The following PRKCH variants were observed in gnomAD, a reference collection of about 807,000 sequenced individuals.
The protein encoded by PRKCH is protein kinase C eta type.
Under a neutral mutation model 82.5 loss-of-function variants are expected in PRKCH, and 28 were observed. The ratio of observed to expected loss-of-function variants is 0.34; its 90% CI spans 0.25 to 0.47. The LOEUF is 0.47. Ranked by LOEUF, PRKCH falls within the 20% of genes least tolerant of loss-of-function variation. The pLI is 1.00. For synonymous variants in PRKCH, 322 were observed against 327.4 expected (o/e 0.98, Z 0.18); for missense variants, 705 against 881.8 (o/e 0.80, Z 2.54).
At chr14:61,206,731 C>T (rs1197890631) in intron 1 of PRKCH, among the ~76,000 whole-genome samples, 1 of 151,902 alleles carries the variant, frequency 6.6e-6, no homozygotes, top group Non-Finnish European at 1.5e-5. Context: ...GTGAAGGTGA[C>T]CTGGAGACAG....
At chr14:61,529,015 G>A (rs1446858473) in intron 10 of PRKCH, 60 bp from the exon 11 acceptor site, 2 of 777,694 alleles carry the variant, frequency 2.6e-6, no homozygotes, top group Non-Finnish European at 3.7e-6. Flanking sequence ...TGCCCATTCT[G>A]AGAGGTGGAT....
chr14:61,309,490 C>T lies in PRKCH; in HGVS notation c.-19+121822C>T, dbSNP rs375618821. 1.2e-4 allele frequency among the ~76,000 whole-genome samples: 19 copies of T among 152,294 alleles called. No individual in the cohort carries two copies. In the South Asian group the frequency reaches 1.5e-3, roughly 12 times the overall value. On this transcript the variant is annotated intron_variant, in intron 1 of 3. Coordinates refer to the PRKCH transcript ENST00000555185. ...ATTAATACAATGCTGCAGGGCTTTG[C>T]AATGCGCTTTAAATTCAGTTTCTCA... is the stretch of plus-strand genomic sequence containing the variant.
chr14:61,283,058 A>C (rs1385750362), intron 1 of PRKCH, among the ~76,000 whole-genome samples: 1 of 150,628 alleles, frequency 6.6e-6, no homozygotes, highest in Admixed American at 6.6e-5. Context: ...TTTGAGAGAG[A>C]GGTGTCTCCC....
intron 9 of PRKCH, among the ~76,000 whole-genome samples, chr14:61,471,807 C>T (rs1368539638): frequency 6.6e-6 from 1 of 152,104 alleles, no homozygotes; most frequent in Non-Finnish European, 1.5e-5. Flanking sequence ...AACAACCAAA[C>T]ATATCGCCAG....
chr14:61,324,698 A>C (rs1483379204), intron 1 of PRKCH, among the ~76,000 whole-genome samples: 3 of 152,200 alleles, frequency 2.0e-5, no homozygotes, highest in African/African-American at 7.2e-5. Flanking sequence ...GCCTCAAGCC[A>C]TCCTCCCACT....
chr14:61,430,319 G>A (rs1316460157), intron 2 of PRKCH, among the ~76,000 whole-genome samples: 1 of 152,238 alleles, frequency 6.6e-6, no homozygotes, highest in Non-Finnish European at 1.5e-5. Flanking sequence ...AAATGTTGGT[G>A]AGACTGTGGA....
chr14:61,237,023 C>G (rs1026065222), intron 1 of PRKCH, among the ~76,000 whole-genome samples: 1 of 152,096 alleles, frequency 6.6e-6, no homozygotes. Context: ...CCACTTTACC[C>G]TATGGACTCG....
chr14:61,257,467 A>G (rs2045007715), intron 1 of PRKCH, among the ~76,000 whole-genome samples: 1 of 152,166 alleles, frequency 6.6e-6, no homozygotes, highest in Non-Finnish European at 1.5e-5. Context: ...GAGCCCACAG[A>G]GCTCTTCTTT....
At chr14:61,450,697 T>A in intron 5 of PRKCH, 145 bp from the exon 6 acceptor site, 3 of 884,564 alleles carry the variant, frequency 3.4e-6, no homozygotes, top group South Asian at 2.3e-5. Flanking sequence ...ACCTGAGTAA[T>A]TAATCAGGGC....
At chr14:61,357,305 T>G (rs1185551091) in intron 1 of PRKCH, among the ~76,000 whole-genome samples, 1 of 152,228 alleles carries the variant, frequency 6.6e-6, no homozygotes, top group Non-Finnish European at 1.5e-5. Context: ...TTTTAACATA[T>G]GACTTTGTAT....
intron 9 of PRKCH, among the ~76,000 whole-genome samples, chr14:61,480,490 A>C (rs998411182): frequency 5.3e-5 from 8 of 152,226 alleles, no homozygotes; most frequent in Non-Finnish European, 1.2e-4. Flanking sequence ...TGTAAAGGGC[A>C]TTCACTAAAT....
chr14:61,337,917 C>T (rs1457913778), intron 1 of PRKCH, among the ~76,000 whole-genome samples: 2 of 152,164 alleles, frequency 1.3e-5, no homozygotes, highest in Non-Finnish European at 2.9e-5. Context: ...TTTAGCGTAG[C>T]CTTGGTTTTG....
At chr14:61,488,908 C>T (rs1886340053) in intron 10 of PRKCH, among the ~76,000 whole-genome samples, 1 of 152,156 alleles carries the variant, frequency 6.6e-6, no homozygotes, top group Non-Finnish European at 1.5e-5. Flanking sequence ...TACTCTTGGA[C>T]TTGAATCCCA....
At chr14:61,368,597 G>C (rs2046328215) in intron 1 of PRKCH, among the ~76,000 whole-genome samples, 1 of 152,120 alleles carries the variant, frequency 6.6e-6, no homozygotes, top group Non-Finnish European at 1.5e-5. Context: ...TCCTCCTGTA[G>C]ATATTTCCCA....
chr14:61,391,223 A>G lies in PRKCH; in HGVS notation c.364-2A>G. The G allele has an allele frequency of 6.2e-7, 1 of 1,607,142 alleles. No homozygotes were observed. The highest frequency in any genetic ancestry group is 8.5e-7 in the Non-Finnish European group (1 of 1,176,468). ...AATATACATTTTTTTTTCTCTTTGT[A>G]GGTGGATCTCGAGCCAGAGGGGAAA... is the stretch of plus-strand genomic sequence containing the variant. On this transcript the variant is annotated splice_acceptor_variant, in intron 1 of 13. Transcript: ENST00000332981. LOFTEE classifies it high-confidence loss of function.
intron 2 of PRKCH, among the ~76,000 whole-genome samples, chr14:61,405,774 G>A (rs1207903799): frequency 6.6e-6 from 1 of 151,620 alleles, no homozygotes; most frequent in Non-Finnish European, 1.5e-5. Context: ...GGAGAGGTAA[G>A]TAGGTTGGAG....
intron 10 of PRKCH, among the ~76,000 whole-genome samples, chr14:61,521,298 G>T (rs1034463797): frequency 6.6e-6 from 1 of 151,852 alleles, no homozygotes; most frequent in Non-Finnish European, 1.5e-5. Flanking sequence ...TACATTTTTA[G>T]TCCTTCATAA....
chr14:61,196,933 T>C (rs902473274), intron 1 of PRKCH, among the ~76,000 whole-genome samples: 5 of 152,290 alleles, frequency 3.3e-5, no homozygotes, highest in African/African-American at 1.2e-4. Flanking sequence ...TGCATCCCTA[T>C]GACTTCTCTC....
rs1039157012 is a variant in PRKCH at position 61,324,668 on chromosome 14, A to T, written c.363+2204A>T. 2.1e-4 allele frequency among the ~76,000 whole-genome samples: 32 copies of T among 152,234 alleles called. 1 individual carries two copies. Among genetic ancestry groups the T allele is most frequent in the Admixed American group, 1.9e-3 (29 of 15,278 alleles). ...ATGGGGTCTTGCTACCTTGTTGACC[A>T]GGCTGGTCTTGAACTTGTGGCCTCA... On this transcript the variant is annotated intron_variant, in intron 1 of 13. Transcript: ENST00000332981.
Sources: gnomAD v4.1 joint callset for allele counts (sites outside exome capture counted in the v4.1 genomes callset) on GRCh38, gnomAD v4.1.1 for gene constraint, MANE v1.5 for transcripts, NCBI Gene and HGNC (gene_info 2026-07-23, HGNC 2026-07-21) for gene names.